GULP1: variants seen among roughly 807,000 people sequenced by gnomAD.
The protein encoded by GULP1 is PTB domain-containing engulfment adapter protein 1.
A neutral mutation model predicts 40.9 loss-of-function variants in GULP1; 19 were observed. That is an observed-to-expected ratio of 0.46 (90% CI 0.32 to 0.68). The LOEUF (loss-of-function observed/expected upper bound fraction) is 0.68. GULP1 is among the 30% of genes least tolerant of loss of function. GULP1 has a pLI of 0.03. For synonymous variants in GULP1, 119 were observed against 117.6 expected, an observed-to-expected ratio of 1.01 and a Z score of -0.08; for missense variants, 312 against 362.2, an observed-to-expected ratio of 0.86 and a Z score of 1.12.
intron 5 of GULP1, among the ~76,000 whole-genome samples, chr2:188,525,204 C>A (rs2153229426): frequency 6.6e-6 from 1 of 151,644 alleles, no homozygotes; most frequent in South Asian, 2.1e-4. Context: ...TCTTTATTTC[C>A]TAATCATGTT....
At chr2:188,515,920 T>C (rs1188071306) in intron 4 of GULP1, among the ~76,000 whole-genome samples, 4 of 152,292 alleles carry the variant, frequency 2.6e-5, no homozygotes, top group Admixed American at 6.5e-5. Context: ...TCTATGTCCA[T>C]TTAAAATAGT....
intron 2 of GULP1, among the ~76,000 whole-genome samples, chr2:188,446,721 A>T (rs567658897): frequency 6.6e-6 from 1 of 152,334 alleles, no homozygotes; most frequent in South Asian, 2.1e-4. Flanking sequence ...AACAGTAAAT[A>T]TTAATTTATA....
chr2:188,362,711 T>C (rs1263715131), intron 1 of GULP1, among the ~76,000 whole-genome samples: 1 of 152,116 alleles, frequency 6.6e-6, no homozygotes. Flanking sequence ...TTTGTGTTTC[T>C]TTAACAAGCT....
chr2:188,521,413 T>C (rs1242024944), intron 4 of GULP1, among the ~76,000 whole-genome samples: 1 of 152,152 alleles, frequency 6.6e-6, no homozygotes, highest in African/African-American at 2.4e-5. Flanking sequence ...ATACTGCTAA[T>C]AAAGACATAC....
rs1482060729 is a variant in GULP1 at position 188,594,998 on chromosome 2, T to C, written c.*987T>C. ...ATCTGTGGCACCCGTTCTACATGAATTATCAATATTTGGTAAATTCAATCT... is the reference window on the plus strand; with the variant it reads ...ATCTGTGGCACCCGTTCTACATGAACTATCAATATTTGGTAAATTCAATCT... On this transcript the variant is annotated 3_prime_UTR_variant, in exon 12 of 12. Transcript: ENST00000409830. 1 of 151,146 alleles carries C rather than the reference T, an allele frequency of 6.6e-6. No homozygotes were observed. Among genetic ancestry groups the C allele is most frequent in the Non-Finnish European group, 1.5e-5 (1 of 67,602 alleles). The allele number at this position is 151,146 out of a possible 1,614,324, so 9.4% of individuals were successfully genotyped here. A position where few individuals can be genotyped will look rare whatever the true frequency, so the allele number is the denominator to read the frequency against.
At chr2:188,518,202 G>T (rs1367303317) in intron 4 of GULP1, among the ~76,000 whole-genome samples, 2 of 152,068 alleles carry the variant, frequency 1.3e-5, no homozygotes, top group Admixed American at 1.3e-4. Context: ...CAAGGCAAAA[G>T]ATTTAAGTGC....
chr2:188,471,717 T>G (rs1378013595), intron 2 of GULP1, among the ~76,000 whole-genome samples: 3 of 152,232 alleles, frequency 2.0e-5, no homozygotes, highest in Admixed American at 2.0e-4. Context: ...TCCATTTATA[T>G]CTTATTGTAC....
At chr2:188,423,566 T>C (rs1458504719) in intron 2 of GULP1, among the ~76,000 whole-genome samples, 1 of 151,744 alleles carries the variant, frequency 6.6e-6, no homozygotes, top group Admixed American at 6.6e-5. Context: ...CTCTTAGATA[T>C]CTTGAGAGGG....
chr2:188,372,176 T>G (rs1055794014), intron 1 of GULP1, among the ~76,000 whole-genome samples: 3 of 152,226 alleles, frequency 2.0e-5, no homozygotes, highest in African/African-American at 7.2e-5. Context: ...TGTGCTGACT[T>G]GAATATAAGT....
chr2:188,349,552 G>A (rs954768749), intron 1 of GULP1, among the ~76,000 whole-genome samples: 1 of 152,090 alleles, frequency 6.6e-6, no homozygotes, highest in African/African-American at 2.4e-5. Context: ...TTAGAGAAAT[G>A]TGTACTCAGA....
intron 1 of GULP1, among the ~76,000 whole-genome samples, chr2:188,366,654 G>A (rs1472958527): frequency 6.9e-6 from 1 of 144,674 alleles, no homozygotes; most frequent in Non-Finnish European, 1.5e-5. Context: ...GTGCAGTGGC[G>A]CGATCTCGGC....
intron 1 of GULP1, among the ~76,000 whole-genome samples, chr2:188,327,142 G>T (rs2040863152): frequency 6.6e-6 from 1 of 152,116 alleles, no homozygotes; most frequent in Admixed American, 6.6e-5. Context: ...TTTGCATTGA[G>T]AACATTTTTA....
intron 7 of GULP1, among the ~76,000 whole-genome samples, chr2:188,568,159 A>T (rs1405775705): frequency 1.3e-5 from 2 of 152,152 alleles, no homozygotes; most frequent in African/African-American, 4.8e-5. Context: ...ATTCTATTAA[A>T]TGATATAAGA....
At chr2:188,557,602 C>T (rs944085353) in intron 7 of GULP1, among the ~76,000 whole-genome samples, 1 of 152,226 alleles carries the variant, frequency 6.6e-6, no homozygotes, top group Admixed American at 6.5e-5. Context: ...GCTACTCTCA[C>T]GTGCTGGCGT....
At chr2:188,593,703 GTC>G (rs1473720878) in intron 11 of GULP1, 1 of 314,716 alleles carries the variant, frequency 3.2e-6, no homozygotes, top group African/African-American at 2.1e-5. Flanking sequence ...TTTCTCTTCT[GTC>G]TCTCATGCAT....
chr2:188,328,236 A>T (rs1197665917), intron 1 of GULP1, among the ~76,000 whole-genome samples: 1 of 152,150 alleles, frequency 6.6e-6, no homozygotes, highest in Non-Finnish European at 1.5e-5. Flanking sequence ...ACATTTCAGA[A>T]ACCTTATAGC....
chr2:188,535,861 G>C (rs1038429146), intron 6 of GULP1, among the ~76,000 whole-genome samples: 4 of 151,894 alleles, frequency 2.6e-5, no homozygotes, highest in African/African-American at 9.7e-5. Flanking sequence ...AGCATCTGTT[G>C]TTTTTGACTT....
chr2:188,458,342 A>C (rs1391914829), intron 2 of GULP1, among the ~76,000 whole-genome samples: 2 of 152,118 alleles, frequency 1.3e-5, no homozygotes, highest in Non-Finnish European at 2.9e-5. Flanking sequence ...TAGCTCCCCC[A>C]AAAATGTCTA....
intron 2 of GULP1, among the ~76,000 whole-genome samples, chr2:188,404,928 A>C (rs546612638): frequency 6.6e-6 from 1 of 152,234 alleles, no homozygotes; most frequent in East Asian, 1.9e-4. Flanking sequence ...CTGTAGACAC[A>C]GGCTCTAAGC....
Sources: allele counts gnomAD v4.1 joint callset (sites outside exome capture counted in the v4.1 genomes callset), GRCh38; gene constraint gnomAD v4.1.1; transcripts MANE v1.5; gene names NCBI Gene and HGNC (gene_info 2026-07-23, HGNC 2026-07-21).